UGGT2: variants seen among roughly 807,000 people sequenced by gnomAD.
The protein encoded by UGGT2 is UDP-glucose:glycoprotein glucosyltransferase 2.
Under a neutral mutation model 192.1 loss-of-function variants are expected in UGGT2, and 180 were observed. The ratio of observed to expected loss-of-function variants is 0.94; its 90% CI spans 0.83 to 1.06. The LOEUF (loss-of-function observed/expected upper bound fraction) is 1.06. UGGT2 is among the 50% of genes least tolerant of loss of function. The probability of loss-of-function intolerance (pLI) is 0.00; values close to 1 mark genes in which losing one functional copy is unlikely to be tolerated. For missense variants in UGGT2, 1,849 were observed against 1,795.7 expected (o/e 1.03, Z -0.54); for synonymous variants, 580 against 591.0 (o/e 0.98, Z 0.27).
intron 5 of UGGT2, among the ~76,000 whole-genome samples, chr13:96,010,538 CT>C (rs1218579517): frequency 6.6e-6 from 1 of 151,902 alleles, no homozygotes; most frequent in Non-Finnish European, 1.5e-5. Context: ...TCAACATTGA[CT>C]AGAAGTCTTA....
intron 12 of UGGT2, among the ~76,000 whole-genome samples, chr13:95,964,048 T>C (rs953732635): frequency 2.6e-5 from 4 of 152,050 alleles, no homozygotes; most frequent in African/African-American, 9.7e-5. Flanking sequence ...CAAAACTGGA[T>C]GCATCACACC....
intron 38 of UGGT2, among the ~76,000 whole-genome samples, chr13:95,828,724 C>T (rs3101571): frequency 2.0e-5 from 3 of 152,100 alleles, no homozygotes; most frequent in Middle Eastern, 3.4e-3. Context: ...ATTCACAGTC[C>T]TATTCTACCA....
rs748569604 is a variant in UGGT2 at position 95,909,954 on chromosome 13, A to G, written c.2296-6894T>C. ...ACAATATTCAACATTCTTAAAGGAA[A>G]GAATTTTCAGCCCAGAATTTAATAT... On this transcript the variant is annotated intron_variant, in intron 20 of 38. Coordinates refer to ENST00000376747, the MANE Select transcript of UGGT2 (RefSeq NM_020121.4). 2.6e-4 allele frequency among the ~76,000 whole-genome samples: 39 copies of G among 152,172 alleles called. 1 individual carries two copies. The highest frequency in any genetic ancestry group is 4.4e-4 in the Non-Finnish European group (30 of 68,024).
chr13:95,802,249 T>G (rs1379976881), intron 38 of UGGT2, among the ~76,000 whole-genome samples: 1 of 152,208 alleles, frequency 6.6e-6, no homozygotes, highest in Non-Finnish European at 1.5e-5. Context: ...GACACAGCAC[T>G]CTGACATAGA....
intron 10 of UGGT2, among the ~76,000 whole-genome samples, chr13:95,980,410 G>A (rs944774191): frequency 1.3e-5 from 2 of 152,012 alleles, no homozygotes; most frequent in Non-Finnish European, 2.9e-5. Flanking sequence ...CTTTGAGGAT[G>A]CAAAGACATA....
chr13:95,953,799 C>T (rs2050136521), intron 12 of UGGT2, among the ~76,000 whole-genome samples: 1 of 152,016 alleles, frequency 6.6e-6, no homozygotes, highest in Non-Finnish European at 1.5e-5. Flanking sequence ...CTATGAGACA[C>T]CCTGTCAGAA....
intron 12 of UGGT2, among the ~76,000 whole-genome samples, chr13:95,962,056 A>T: frequency 6.6e-6 from 1 of 152,188 alleles, no homozygotes; most frequent in East Asian, 1.9e-4. Context: ...TAAACACAAC[A>T]TACTAAAACC....
chr13:95,932,319 G>GTT (rs1232629458), intron 17 of UGGT2, among the ~76,000 whole-genome samples: 22 of 143,180 alleles, frequency 1.5e-4, no homozygotes, highest in Non-Finnish European at 3.3e-4. Context: ...ATTTGTGTGT[G>GTT]TGTGTGTGTG....
chr13:95,925,367 G>A (rs1438343734), intron 20 of UGGT2, among the ~76,000 whole-genome samples: 2 of 152,070 alleles, frequency 1.3e-5, no homozygotes, highest in Non-Finnish European at 2.9e-5. Context: ...AGTGGATTTC[G>A]GGTCACTGAA....
chr13:96,032,991 C>T (rs542038322), intron 1 of UGGT2, among the ~76,000 whole-genome samples: 1 of 152,320 alleles, frequency 6.6e-6, no homozygotes, highest in African/African-American at 2.4e-5. Flanking sequence ...TGTGCAACCA[C>T]AGGTAAAAAC....
chr13:95,926,919 G>A, intron 19 of UGGT2, 109 bp downstream of exon 19: 1 of 974,396 alleles, frequency 1.0e-6, no homozygotes, highest in Non-Finnish European at 1.5e-6. Flanking sequence ...TGAAATCTAG[G>A]CCTCTACTCA....
At chr13:95,874,779 C>T (rs1178479394) in intron 29 of UGGT2, among the ~76,000 whole-genome samples, 1 of 152,026 alleles carries the variant, frequency 6.6e-6, no homozygotes, top group Non-Finnish European at 1.5e-5. Flanking sequence ...GCAGTTGCCA[C>T]CTCGTGGGGT....
intron 15 of UGGT2, among the ~76,000 whole-genome samples, chr13:95,943,006 G>C (rs570682505): frequency 2.0e-5 from 3 of 152,184 alleles, no homozygotes; most frequent in Admixed American, 1.3e-4. Flanking sequence ...CACAGTTGTT[G>C]TAAGTCCACT....
At chr13:95,920,429 A>G (rs1053986630) in intron 20 of UGGT2, among the ~76,000 whole-genome samples, 2 of 152,186 alleles carry the variant, frequency 1.3e-5, no homozygotes, top group African/African-American at 4.8e-5. Context: ...ATGAAATGGG[A>G]AAAAATTTCT....
At chr13:95,926,035 G>A (rs991754899) in intron 19 of UGGT2, among the ~76,000 whole-genome samples, 1 of 151,672 alleles carries the variant, frequency 6.6e-6, no homozygotes, top group African/African-American at 2.4e-5. Flanking sequence ...GGTTAGAAGA[G>A]TAACTCATTA....
At chr13:95,840,440 T>C (rs1010894865) in intron 36 of UGGT2, among the ~76,000 whole-genome samples, 7 of 151,992 alleles carry the variant, frequency 4.6e-5, no homozygotes, top group Non-Finnish European at 7.4e-5. Context: ...ACATACGAAA[T>C]AAAGTTCATC....
intron 38 of UGGT2, among the ~76,000 whole-genome samples, chr13:95,819,498 A>G (rs1402753466): frequency 1.2e-5 from 1 of 83,268 alleles, no homozygotes; most frequent in African/African-American, 9.2e-5. Flanking sequence ...ACACACATAT[A>G]CATGTATACA....
intron 1 of UGGT2, among the ~76,000 whole-genome samples, chr13:96,048,118 G>T (rs917704001): frequency 6.6e-6 from 1 of 152,150 alleles, no homozygotes; most frequent in Non-Finnish European, 1.5e-5. Flanking sequence ...TAAAAGAAGA[G>T]AAATTATAAC....
intron 1 of UGGT2, among the ~76,000 whole-genome samples, chr13:96,032,734 C>T (rs1013558085): frequency 2.2e-4 from 33 of 152,172 alleles, no homozygotes; most frequent in Non-Finnish European, 2.8e-4. Flanking sequence ...TCTCTCTAGG[C>T]TTGGTAAACT....
Sources: allele counts gnomAD v4.1 joint callset (sites outside exome capture counted in the v4.1 genomes callset), GRCh38; gene constraint gnomAD v4.1.1; transcripts MANE v1.5; gene names NCBI Gene and HGNC (gene_info 2026-07-23, HGNC 2026-07-21).